The following NWD2 variants were observed in gnomAD, a reference collection of about 807,000 sequenced individuals.
The protein encoded by NWD2 is NACHT and WD repeat domain-containing protein 2.
NWD2 carries 37 observed loss-of-function variants against 132.7 expected under a neutral mutation model. The observed-to-expected ratio is 0.28, with a 90% CI of 0.21 to 0.37. NWD2 has a LOEUF of 0.37. Ranked by LOEUF, NWD2 falls within the 10% of genes least tolerant of loss-of-function variation. The pLI is 1.00. For synonymous variants in NWD2, 705 were observed against 803.0 expected (o/e 0.88, Z 2.06); for missense variants, 1,592 against 2,122.4 (o/e 0.75, Z 4.91).
At chr4:37,370,500 C>G (rs1348583784) in intron 3 of NWD2, among the ~76,000 whole-genome samples, 1 of 152,088 alleles carries the variant, frequency 6.6e-6, no homozygotes, top group Non-Finnish European at 1.5e-5. Context: ...TTTTACTGAG[C>G]CTTGGAATAA....
intron 1 of NWD2, among the ~76,000 whole-genome samples, chr4:37,323,932 T>C (rs1192231918): frequency 1.3e-5 from 2 of 150,738 alleles, no homozygotes; most frequent in African/African-American, 2.4e-5. Context: ...AACTAATTAA[T>C]GCAGGAACAG....
chr4:37,332,538 A>C (rs1014123693), intron 2 of NWD2, among the ~76,000 whole-genome samples: 2 of 151,660 alleles, frequency 1.3e-5, no homozygotes, highest in Non-Finnish European at 2.9e-5. Context: ...AAATGAGTTC[A>C]GTAAGGCACC....
At chr4:37,282,277 T>C (rs570816273) in intron 1 of NWD2, among the ~76,000 whole-genome samples, 1 of 152,306 alleles carries the variant, frequency 6.6e-6, no homozygotes, top group South Asian at 2.1e-4. Flanking sequence ...AAACTGCTGA[T>C]AAATTGATAG....
intron 3 of NWD2, among the ~76,000 whole-genome samples, chr4:37,408,259 C>G (rs1458669429): frequency 6.6e-6 from 1 of 152,168 alleles, no homozygotes; most frequent in Non-Finnish European, 1.5e-5. Context: ...CCACGGAGCC[C>G]AGCAAACTAA....
At chr4:37,297,893 A>C (rs1718528217) in intron 1 of NWD2, among the ~76,000 whole-genome samples, 1 of 152,154 alleles carries the variant, frequency 6.6e-6, no homozygotes, top group Non-Finnish European at 1.5e-5. Context: ...CTGAACACTT[A>C]GCTGAGAGGG....
intron 1 of NWD2, among the ~76,000 whole-genome samples, chr4:37,270,620 G>C (rs1473071494): frequency 1.3e-5 from 2 of 151,692 alleles, no homozygotes; most frequent in East Asian, 3.9e-4. Context: ...TGGGTCATTT[G>C]TCTTTTTTTA....
rs1294259584 is a variant in NWD2 at position 37,438,909 on chromosome 4, T to C, written c.815T>C (p.Ile272Thr). The change falls in exon 6 of 7, where the codon ATC becomes ACC. Residue 272 changes from isoleucine (I) to threonine (T), a missense_variant. By Grantham distance (89) the Ile-to-Thr change is moderately conservative. This residue lies in a region of NWD2 where 1,071 missense variants were observed against 1,398.0 expected (regional missense o/e 0.77). Coordinates refer to ENST00000309447, the MANE Select transcript of NWD2 (RefSeq NM_001144990.2). ...GCTAACATTGAGCGCTTTGTGAAAA[T>C]CCCAGAGATGGGAAAATACATGGAT... ...KIANIERFVKIPEMGKYMDIT... is the reference protein window; with the variant it reads ...KIANIERFVKTPEMGKYMDIT... 3.2e-6 allele frequency: 5 copies of C among 1,551,846 alleles called. No homozygotes were observed. Among genetic ancestry groups the C allele is most frequent in the Non-Finnish European group, 4.4e-6 (5 of 1,147,066 alleles).
intron 4 of NWD2, 88 bp from the exon 5 acceptor site, chr4:37,433,788 C>T: frequency 4.0e-6 from 4 of 1,004,066 alleles, no homozygotes; most frequent in Non-Finnish European, 5.8e-6. Flanking sequence ...ACATAGTAGG[C>T]CTTCAAATAA....
At chr4:37,429,981 G>T (rs1219163414) in intron 3 of NWD2, among the ~76,000 whole-genome samples, 1 of 152,158 alleles carries the variant, frequency 6.6e-6, no homozygotes, top group Non-Finnish European at 1.5e-5. Context: ...TAAAGGCTGA[G>T]TACATATTTG....
intron 3 of NWD2, among the ~76,000 whole-genome samples, chr4:37,416,890 A>C (rs183489536): frequency 3.7e-4 from 56 of 151,770 alleles, no homozygotes; most frequent in African/African-American, 1.3e-3. Flanking sequence ...GTGGGAGCTA[A>C]GTTATGAGGA....
intron 3 of NWD2, among the ~76,000 whole-genome samples, chr4:37,382,942 C>T (rs1045004958): frequency 1.8e-4 from 27 of 152,120 alleles, no homozygotes; most frequent in African/African-American, 6.3e-4. Flanking sequence ...AATCCACCCA[C>T]CTTGACCTCC....
chr4:37,259,661 GA>G (rs749731385), intron 1 of NWD2, among the ~76,000 whole-genome samples: 1 of 152,152 alleles, frequency 6.6e-6, no homozygotes, highest in Non-Finnish European at 1.5e-5. Flanking sequence ...ACCCCAGCTT[GA>G]CAGGGCCTCA....
At chr4:37,404,072 T>C (rs1304288129) in intron 3 of NWD2, among the ~76,000 whole-genome samples, 1 of 152,216 alleles carries the variant, frequency 6.6e-6, no homozygotes, top group Non-Finnish European at 1.5e-5. Flanking sequence ...CATTACATGC[T>C]GGCTCTTAGG....
chr4:37,274,883 C>G (rs572008447), intron 1 of NWD2, among the ~76,000 whole-genome samples: 11 of 57,366 alleles, frequency 1.9e-4, no homozygotes, highest in East Asian at 5.6e-4. Flanking sequence ...ATTCAACAAC[C>G]CTTCATGCTA....
chr4:37,351,378 G>A (rs4527485), intron 2 of NWD2, among the ~76,000 whole-genome samples: 11,478 of 152,062 alleles, frequency 0.075, 586 homozygotes, highest in Non-Finnish European at 0.098. Context: ...GTCTATTGAG[G>A]GATTCAACTT....
chr4:37,445,252 C>A lies in NWD2; in HGVS notation c.3264C>A (p.Tyr1088Ter). 6.4e-7 allele frequency: 1 copy of A among 1,551,860 alleles called. No individual in the cohort carries two copies. Among genetic ancestry groups the A allele is most frequent in the Non-Finnish European group, 8.7e-7 (1 of 1,147,036 alleles). Residue 1088 changes from tyrosine (Y) to a stop codon, truncating the protein, a stop_gained, in exon 7 of 7, where the codon TAC becomes TAA. Transcript: ENST00000309447. LOFTEE classifies it high-confidence loss of function. This position sits in a 1 kb window ranked among gnomAD's most constrained non-coding sequence, Gnocchi z 4.7. ...ATGTCACTGTCATCGATCTGCTGTACGGATGGCCGCTTTACCAGTTCCACT... is the reference window on the plus strand; with the variant it reads ...ATGTCACTGTCATCGATCTGCTGTAAGGATGGCCGCTTTACCAGTTCCACT... ...SKDVTVIDLL[Y>*]GWPLYQFHCW...
intron 1 of NWD2, among the ~76,000 whole-genome samples, chr4:37,273,383 A>C (rs908970866): frequency 6.6e-6 from 1 of 152,082 alleles, no homozygotes; most frequent in South Asian, 2.1e-4. Context: ...AGAGCTAACT[A>C]TCCTAAATAT....
At chr4:37,404,429 C>T (rs10016142) in intron 3 of NWD2, among the ~76,000 whole-genome samples, 36,479 of 152,066 alleles carry the variant, frequency 0.24, 5,183 homozygotes, top group Middle Eastern at 0.32. Flanking sequence ...CAGTGAAATC[C>T]TTTTTATCCA....
chr4:37,270,968 G>A (rs187761137), intron 1 of NWD2, among the ~76,000 whole-genome samples: 1 of 151,826 alleles, frequency 6.6e-6, no homozygotes, highest in Admixed American at 6.6e-5. Context: ...ACATTTATCT[G>A]GTTGTCCTTG....
Sources: gnomAD v4.1 joint callset for allele counts (sites outside exome capture counted in the v4.1 genomes callset) on GRCh38, gnomAD v4.1.1 for gene constraint, gnomAD v4.1.1 regional missense constraint, Gnocchi (gnomAD v3.1) non-coding constraint, MANE v1.5 for transcripts, NCBI Gene and HGNC (gene_info 2026-07-23, HGNC 2026-07-21) for gene names.